ACACB: variants seen among roughly 807,000 people sequenced by gnomAD.
ACACB encodes acetyl-CoA carboxylase 2.
A neutral mutation model predicts 278.8 loss-of-function variants in ACACB; 209 were observed. The ratio of observed to expected loss-of-function variants is 0.75; its 90% CI spans 0.67 to 0.84. The LOEUF is 0.84. Among genes scored for constraint, ACACB ranks in the 40% least tolerant of loss-of-function variants. The pLI, the probability that ACACB is intolerant of heterozygous loss-of-function variation, is 0.00. For synonymous variants in ACACB, 1,174 were observed against 1,285.6 expected (o/e 0.91, Z 1.86); for missense variants, 2,850 against 3,269.0 (o/e 0.87, Z 3.13).
intron 37 of ACACB, among the ~76,000 whole-genome samples, chr12:109,243,672 A>G (rs1463803251): frequency 2.0e-5 from 3 of 152,168 alleles, no homozygotes; most frequent in Non-Finnish European, 4.4e-5. Context: ...ATAGGAAACT[A>G]TGGAAAGGTA....
At chr12:109,139,251 AG>A (rs2043040544) in intron 1 of ACACB, 145 bp from the exon 2 acceptor site, 1 of 726,776 alleles carries the variant, frequency 1.4e-6, no homozygotes, top group African/African-American at 1.8e-5. Flanking sequence ...TTTCAGGCAG[AG>A]CAGGGAGGAG....
intron 6 of ACACB, among the ~76,000 whole-genome samples, chr12:109,173,618 A>G (rs532963286): frequency 1.3e-5 from 2 of 152,352 alleles, no homozygotes; most frequent in South Asian, 4.1e-4. Context: ...AATCCAGCCT[A>G]TGGCTTGCCT....
chr12:109,262,257 A>G (rs761346428), intron 48 of ACACB, 100 bp from the exon 49 acceptor site: 29 of 875,324 alleles, frequency 3.3e-5, no homozygotes, highest in Non-Finnish European at 5.3e-5. Flanking sequence ...TGACACCCAG[A>G]TCTTCTGGCT....
At chr12:109,129,246 G>C (rs1023112193) in intron 1 of ACACB, among the ~76,000 whole-genome samples, 2 of 152,208 alleles carry the variant, frequency 1.3e-5, no homozygotes, top group African/African-American at 4.8e-5. Context: ...GAGCAGGAGA[G>C]TGTGAGAATT....
Position 109,241,196 on chromosome 12 carries a change from C to T in ACACB, c.4937C>T (p.Pro1646Leu). The T allele has an allele frequency of 1.2e-6, 2 of 1,614,216 alleles. No homozygotes were observed. Among genetic ancestry groups the T allele is most frequent in the South Asian group, 1.1e-5 (1 of 91,086 alleles). Residue 1646 changes from proline (P) to leucine (L), a missense_variant, in exon 36 of 53, where the codon CCC (proline) becomes CTC (leucine). By Grantham distance (98) the Pro-to-Leu change is moderately conservative. This residue lies in a region of ACACB where 2,265 missense variants were observed against 2,561.3 expected (regional missense o/e 0.88). Coordinates refer to ENST00000338432, the MANE Select transcript of ACACB (RefSeq NM_001093.4). ...IRQTTTGSAV[P>L]IRLFITNESG... is the part of the protein sequence containing the mutation. ...CAGACCACCACCGGCAGTGCCGTTCCCATCCGCCTGTTCATCACCAATGAG... is the reference window on the plus strand; with the variant it reads ...CAGACCACCACCGGCAGTGCCGTTCTCATCCGCCTGTTCATCACCAATGAG...
intron 19 of ACACB, among the ~76,000 whole-genome samples, chr12:109,203,355 C>G (rs1178473832): frequency 6.6e-6 from 1 of 152,152 alleles, no homozygotes; most frequent in Non-Finnish European, 1.5e-5. Flanking sequence ...TACCTATTGT[C>G]CAGGATCCCA....
At chr12:109,209,394 C>A in intron 21 of ACACB, 41 bp downstream of exon 21, 1 of 1,567,298 alleles carries the variant, frequency 6.4e-7, no homozygotes, top group South Asian at 1.2e-5. Flanking sequence ...CCAGGATGGT[C>A]ACACTGGGCC....
Position 109,139,910 on chromosome 12 carries a change from T to G in ACACB, c.505T>G (p.Ser169Ala). The change falls in exon 2 of 53, where the codon TCT becomes GCT. Residue 169 changes from serine to alanine, a missense_variant. By Grantham distance (99) the Ser-to-Ala change is moderately conservative. Around this residue, in one of 3 missense-constraint regions of ACACB, gnomAD observed 2,265 missense variants for 2,561.3 expected, o/e 0.88. Coordinates refer to ENST00000338432, the MANE Select transcript of ACACB (RefSeq NM_001093.4). ...RQLMTNFILG[S>A]FDDYSSDEDS... ...GCTGATGACCAACTTCATCCTGGGC[T>G]CTTTTGATGACTACTCCTCCGACGA... 1 of 1,614,168 alleles carries G rather than the reference T, an allele frequency of 6.2e-7. No homozygotes were observed. The highest frequency in any genetic ancestry group is 8.5e-7 in the Non-Finnish European group (1 of 1,180,026).
At chr12:109,179,401 C>T (rs2044387364) in intron 10 of ACACB, 104 bp downstream of exon 10, 1 of 1,255,052 alleles carries the variant, frequency 8.0e-7, no homozygotes, top group Non-Finnish European at 1.1e-6. Flanking sequence ...GGCATGGGTG[C>T]CTAACAAGAG....
rs773567871 is a variant in ACACB at position 109,209,386 on chromosome 12, A to C, written c.3249+33A>C. ...CTCCCCTGCCCAGCCCCACCCCACCAGGATGGTCACACTGGGCCGGCTCCC... is the reference window on the plus strand; with the variant it reads ...CTCCCCTGCCCAGCCCCACCCCACCCGGATGGTCACACTGGGCCGGCTCCC... On this transcript the variant is annotated intron_variant, in intron 21 of 52. Transcript: ENST00000338432. 9 of 1,585,416 alleles carry C rather than the reference A, an allele frequency of 5.7e-6. No individual in the cohort carries two copies. In the Admixed American group the frequency reaches 1.2e-4, roughly 21 times the overall value.
intron 32 of ACACB, 108 bp from the exon 33 acceptor site, chr12:109,235,498 T>C: frequency 7.0e-7 from 1 of 1,418,952 alleles, no homozygotes; most frequent in Non-Finnish European, 9.9e-7. Flanking sequence ...TTCCAAATGA[T>C]TCATTCTAGA....
In ACACB at chr12:109,206,695, G is replaced by A. The variant is rs1179968822; in HGVS notation, c.2914-15G>A. On this transcript the variant is annotated splice_polypyrimidine_tract_variant and intron_variant, in intron 19 of 52. Transcript: ENST00000338432. ...AGAGTTTTCCTGACCTGTCGTTCTT[G>A]TGGTGTCTCATCAGGCTGAACCGTT... 1 of 1,613,370 alleles carries A rather than the reference G, an allele frequency of 6.2e-7. No individual in the cohort carries two copies. Among genetic ancestry groups the A allele is most frequent in the Non-Finnish European group, 8.5e-7 (1 of 1,179,818 alleles).
intron 13 of ACACB, among the ~76,000 whole-genome samples, chr12:109,190,614 G>A (rs1028833445): frequency 4.5e-5 from 5 of 109,960 alleles, no homozygotes; most frequent in East Asian, 5.2e-4. Context: ...GGCGGTGACC[G>A]ATTTTCCCTT....
chr12:109,196,357 C>T (rs1397070112), intron 16 of ACACB, among the ~76,000 whole-genome samples: 1 of 152,170 alleles, frequency 6.6e-6, no homozygotes, highest in Non-Finnish European at 1.5e-5. Flanking sequence ...CTGAATTTCT[C>T]ACAATTCTCT....
chr12:109,262,409 G>A lies in ACACB; in HGVS notation c.6727G>A (p.Asp2243Asn), dbSNP rs749821054. The change falls in exon 49 of 53, where the codon GAT becomes AAT. Residue 2243 changes from aspartate (D) to asparagine (N), a missense_variant. Physicochemically the swap from Asp to Asn is conservative, Grantham distance 23. Transcript: ENST00000338432. ...AGTGGAGATTAAGTTCCGAAAGAAAGATCTGATAAAGTCCATGAGAAGGAT... is the reference window on the plus strand; with the variant it reads ...AGTGGAGATTAAGTTCCGAAAGAAAAATCTGATAAAGTCCATGAGAAGGAT... ...GTVEIKFRKK[D>N]LIKSMRRIDP... is the part of the protein sequence containing the mutation. 36 of 1,613,864 alleles carry A rather than the reference G, an allele frequency of 2.2e-5. 1 individual carries two copies. The Middle Eastern group carries it at 1.2e-3, about 52-fold the overall frequency.
intron 4 of ACACB, among the ~76,000 whole-genome samples, chr12:109,170,808 A>G (rs925014288): frequency 2.0e-5 from 3 of 151,464 alleles, no homozygotes; most frequent in Non-Finnish European, 4.4e-5. Context: ...TTTTTTTACC[A>G]TAATTTAAAA....
chr12:109,219,762 A>G (rs2046108349), intron 24 of ACACB, among the ~76,000 whole-genome samples: 1 of 152,208 alleles, frequency 6.6e-6, no homozygotes, highest in Non-Finnish European at 1.5e-5. Context: ...GGTGATTACT[A>G]TGGGTTTTTA....
chr12:109,221,917 C>T (rs1221297014), intron 24 of ACACB, among the ~76,000 whole-genome samples: 1 of 147,698 alleles, frequency 6.8e-6, no homozygotes, highest in Non-Finnish European at 1.5e-5. Flanking sequence ...GAGTCTGGCT[C>T]TGTTGCCCAG....
In ACACB at chr12:109,166,649, C is replaced by CAAAAAAAAAAA. The variant is rs869303420; in HGVS notation, c.654-194_654-184dup. ...TAGGTGACAGAATGAGATCCCGTCT[C>CAAAAAAAAAAA]AAAAAAAAAAAAAAAAAAAAAAAAA... On this transcript the variant is annotated intron_variant, in intron 2 of 52. Transcript: ENST00000338432. Among the ~76,000 whole-genome samples the CAAAAAAAAAAA allele has an allele frequency of 4.4e-3, 111 of 25,076 alleles. 31 individuals carry two copies. Among genetic ancestry groups the CAAAAAAAAAAA allele is most frequent in the Non-Finnish European group, 5.6e-3 (87 of 15,566 alleles). 16.5% of individuals were successfully genotyped at this position (25,076 alleles called of 152,430 possible).
Sources: allele counts gnomAD v4.1 joint callset (sites outside exome capture counted in the v4.1 genomes callset), GRCh38; gene constraint gnomAD v4.1.1; regional missense constraint gnomAD v4.1.1; transcripts MANE v1.5; gene names NCBI Gene and HGNC (gene_info 2026-07-23, HGNC 2026-07-21).